SI: variants seen among roughly 807,000 people sequenced by gnomAD.
SI encodes sucrase-isomaltase, intestinal.
Under a neutral mutation model 253.3 loss-of-function variants are expected in SI, and 235 were observed. The observed-to-expected ratio is 0.93, with a 90% CI of 0.83 to 1.03. The LOEUF (loss-of-function observed/expected upper bound fraction) is 1.03, where lower values mean the gene tolerates loss of function less well. Among genes scored for constraint, SI ranks in the 50% least tolerant of loss-of-function variants. The pLI is 0.00. For synonymous variants in SI, 819 were observed against 712.0 expected, an observed-to-expected ratio of 1.15 and a Z score of -2.39; for missense variants, 2,442 against 2,211.1, an observed-to-expected ratio of 1.10 and a Z score of -2.09.
chr3:164,991,535 A>G, intron 43 of SI, 58 bp from the exon 44 acceptor site: 2 of 1,565,268 alleles, frequency 1.3e-6, no homozygotes, highest in Non-Finnish European at 1.8e-6. Flanking sequence ...CATCAGCAAC[A>G]CTGGTAGTTG....
chr3:165,020,183 T>C (rs532876943), intron 27 of SI, among the ~76,000 whole-genome samples: 1 of 151,820 alleles, frequency 6.6e-6, no homozygotes, highest in Admixed American at 6.6e-5. Context: ...AATACATCAA[T>C]ATTATAATGA....
At chr3:165,017,158 T>C (rs1168940957) in intron 31 of SI, among the ~76,000 whole-genome samples, 5 of 151,924 alleles carry the variant, frequency 3.3e-5, no homozygotes, top group African/African-American at 1.2e-4. Flanking sequence ...AAAAAATTAG[T>C]TCCACCTCCA....
In SI at chr3:165,037,983, A is replaced by G. The variant is rs539868642; in HGVS notation, c.2343T>C (p.Tyr781=). The part of the protein sequence containing the change: ...RPWRKQRVDM[Y]LPADKIGLHL... The stretch of plus-strand genomic sequence containing the variant: ...GTAATCCTATTTTGTCTGCTGGAAG[A>G]TACATATCAACCCGTTGTTTCCTCC... The change falls in exon 21 of 48, where the codon TAT becomes TAC. Residue 781 remains tyrosine, a synonymous_variant. Transcript: ENST00000264382. 334 of 1,609,554 alleles carry G rather than the reference A, an allele frequency of 2.1e-4. 7 individuals are homozygous for G. In the South Asian group the frequency reaches 3.6e-3, roughly 17 times the overall value.
intron 22 of SI, among the ~76,000 whole-genome samples, chr3:165,033,839 C>T (rs924966234): frequency 2.6e-5 from 4 of 151,436 alleles, no homozygotes; most frequent in Non-Finnish European, 5.9e-5. Flanking sequence ...ATACATTTTG[C>T]ATCTTTTTAT....
chr3:165,020,348 A>T (rs1160222088), intron 27 of SI, among the ~76,000 whole-genome samples: 1 of 151,772 alleles, frequency 6.6e-6, no homozygotes, highest in Non-Finnish European at 1.5e-5. Context: ...TGCAAGAAGA[A>T]CATAAAGAGG....
intron 9 of SI, among the ~76,000 whole-genome samples, chr3:165,061,268 C>T (rs1241604324): frequency 6.6e-6 from 1 of 151,894 alleles, no homozygotes; most frequent in Non-Finnish European, 1.5e-5. Flanking sequence ...TGGGAGATAG[C>T]TATGCCAACT....
upstream of SI, among the ~76,000 whole-genome samples, chr3:165,082,608 A>G (rs191672136): frequency 2.0e-5 from 3 of 152,076 alleles, no homozygotes; most frequent in East Asian, 5.8e-4. Flanking sequence ...GTGCTGTCTT[A>G]GCTTGTCTCA....
At chr3:165,008,761 T>C (rs762115766) in intron 35 of SI, among the ~76,000 whole-genome samples, 1 of 151,934 alleles carries the variant, frequency 6.6e-6, no homozygotes, top group Non-Finnish European at 1.5e-5. Context: ...AAATTTTTCC[T>C]CCGGAAATTG....
Position 165,023,597 on chromosome 3 carries a change from A to C in SI, c.3072T>G (p.Tyr1024Ter). The change falls in exon 26 of 48, where the codon TAT becomes TAG. Residue 1024 changes from tyrosine (Y) to a stop codon, truncating the protein, a stop_gained. Transcript: ENST00000264382. LOFTEE classifies it high-confidence loss of function. ...TAAACTGCAACATATCATTTTTGTG[A>C]TATTTCACCTCCACACGAAGAGTTG... ...PISTLRVEVK[Y>*]HKNDMLQFKI... 6.2e-7 allele frequency: 1 copy of C among 1,610,558 alleles called. No individual in the cohort carries two copies. Among genetic ancestry groups the C allele is most frequent in the Non-Finnish European group, 8.5e-7 (1 of 1,177,754 alleles).
In SI at chr3:164,982,253, G is replaced by C. The variant is rs9917722; in HGVS notation, c.5405C>G (p.Thr1802Ser). The part of the protein sequence containing the change: ...NKNSLPFNED[T>S]TNMILRIDLT... The stretch of plus-strand genomic sequence containing the variant: ...TCTTACATTACTTACCATGTTGGTA[G>C]TGTCTTCATTAAAAGGAAGCGAATT... Residue 1802 changes from threonine (T) to serine (S), a missense_variant, in exon 47 of 48, where the codon ACT becomes AGT. Physicochemically the swap from Thr to Ser is moderately conservative, Grantham distance 58. Transcript: ENST00000264382. 14,790 of 1,611,810 alleles carry C rather than the reference G, an allele frequency of 9.2e-3. 1,164 individuals carry two copies. In the African/African-American group the frequency reaches 0.17, roughly 19 times the overall value.
chr3:165,037,527 G>T (rs1576901213), intron 21 of SI, among the ~76,000 whole-genome samples: 2 of 151,706 alleles, frequency 1.3e-5, no homozygotes, highest in South Asian at 4.2e-4. Context: ...GAAATACATT[G>T]GGATTTATGT....
intron 12 of SI, among the ~76,000 whole-genome samples, chr3:165,057,375 T>C (rs533131474): frequency 1.3e-5 from 2 of 151,984 alleles, no homozygotes; most frequent in Admixed American, 1.3e-4. Context: ...TCTGAGTTAT[T>C]GGCCTTAAAG....
chr3:165,052,263 C>G lies in SI; in HGVS notation c.1513-2388G>C, dbSNP rs1289186899. 2.0e-5 allele frequency among the ~76,000 whole-genome samples: 3 copies of G among 152,072 alleles called. No homozygotes were observed. The South Asian group carries it at 6.2e-4, about 31-fold the overall frequency. ...TACAGTTATTTAATGTCATATACCA[C>G]TGCATTAAATTAAGATTTTTAATAT... On this transcript the variant is annotated intron_variant, in intron 13 of 47. Coordinates refer to ENST00000264382, the MANE Select transcript of SI (RefSeq NM_001041.4).
At chr3:165,000,232 C>T (rs1474584417) in intron 37 of SI, among the ~76,000 whole-genome samples, 2 of 150,950 alleles carry the variant, frequency 1.3e-5, no homozygotes, top group Admixed American at 6.6e-5. Flanking sequence ...TTTTTTTTCT[C>T]TATTATATAT....
intron 36 of SI, 148 bp from the exon 37 acceptor site, chr3:165,007,102 G>A (rs1273613863): frequency 3.2e-6 from 2 of 619,774 alleles, no homozygotes; most frequent in Admixed American, 6.3e-5. Context: ...TACTTTGTAT[G>A]AGTTAATTAT....
At chr3:165,020,627 C>T (rs144372691) in intron 27 of SI, among the ~76,000 whole-genome samples, 1 of 151,390 alleles carries the variant, frequency 6.6e-6, no homozygotes, top group African/African-American at 2.4e-5. Flanking sequence ...TTGACAATAC[C>T]AGAAAACATC....
intron 25 of SI, among the ~76,000 whole-genome samples, chr3:165,029,972 G>A (rs960998858): frequency 8.6e-5 from 13 of 150,324 alleles, no homozygotes; most frequent in African/African-American, 2.9e-4. Flanking sequence ...AGAGAAATTG[G>A]GATAATTTCT....
Position 165,067,499 on chromosome 3 carries a change from G to T in SI, c.484-8C>A. On this transcript the variant is annotated splice_region_variant and splice_polypyrimidine_tract_variant and intron_variant, in intron 5 of 47. Coordinates refer to ENST00000264382, the MANE Select transcript of SI (RefSeq NM_001041.4). ...ATTATTTGGATCAGTAATCTGGAAA[G>T]ATTTAAGCAAGGTAGCATTACTGGA... The T allele has an allele frequency of 6.2e-7, 1 of 1,602,770 alleles. No homozygotes were observed. Among genetic ancestry groups the T allele is most frequent in the Non-Finnish European group, 8.5e-7 (1 of 1,170,324 alleles).
At chr3:165,077,356 T>C (rs1715065762) in intron 1 of SI, among the ~76,000 whole-genome samples, 1 of 151,712 alleles carries the variant, frequency 6.6e-6, no homozygotes, top group Non-Finnish European at 1.5e-5. Context: ...TAAATGTCCA[T>C]TGCAATTATT....
Sources: gnomAD v4.1 joint callset for allele counts (sites outside exome capture counted in the v4.1 genomes callset) on GRCh38, gnomAD v4.1.1 for gene constraint, MANE v1.5 for transcripts, NCBI Gene and HGNC (gene_info 2026-07-23, HGNC 2026-07-21) for gene names.